Variants in RCC1 observed in about 807,000 individuals in gnomAD.
RCC1 encodes the protein regulator of chromosome condensation 1, also known as regulator of chromosome condensation.
RCC1 carries 11 observed loss-of-function variants against 44.4 expected under a neutral mutation model. That is an observed-to-expected ratio of 0.25 (90% CI 0.16 to 0.41). RCC1 has a LOEUF of 0.41. RCC1 is among the 10% of genes least tolerant of loss of function. The probability of loss-of-function intolerance (pLI) is 1.00; values close to 1 mark genes in which losing one functional copy is unlikely to be tolerated. For missense variants in RCC1, 386 were observed against 547.1 expected (o/e 0.71, Z 2.94); for synonymous variants, 213 against 216.5 (o/e 0.98, Z 0.14).
intron 9 of RCC1, 59 bp from the exon 10 acceptor site, chr1:28,535,812 G>C: frequency 1.9e-6 from 3 of 1,561,424 alleles, no homozygotes; most frequent in Non-Finnish European, 2.6e-6. Flanking sequence ...TAAACTCGGG[G>C]CAGAGAGAAG....
intron 2 of RCC1, chr1:28,508,412 A>C (rs753648946): frequency 8.1e-6 from 3 of 372,284 alleles, no homozygotes; most frequent in Non-Finnish European, 1.6e-5. Context: ...AAAGTAGTAA[A>C]AGCTGCCCTA....
rs1243320545 is a variant in RCC1 at position 28,525,378 on chromosome 1, C to T, written c.-9-4480C>T. ...GACAATATGAGGGGTGGTCTCCTCC[C>T]TTAGTAGTAAAGCACTATAAATATT... is the stretch of plus-strand genomic sequence containing the variant. On this transcript the variant is annotated intron_variant, in intron 4 of 12. Coordinates refer to ENST00000683442, the MANE Select transcript of RCC1 (RefSeq NM_001381865.2). Among the ~76,000 whole-genome samples, 11 of 152,160 alleles carry T rather than the reference C, an allele frequency of 7.2e-5. No individual in the cohort carries two copies. In the East Asian group the frequency reaches 2.1e-3, roughly 29 times the overall value.
Position 28,527,353 on chromosome 1 carries a change from C to T in RCC1, c.-9-2505C>T, listed in dbSNP as rs542109852. On this transcript the variant is annotated intron_variant, in intron 4 of 12. Coordinates refer to ENST00000683442, the MANE Select transcript of RCC1 (RefSeq NM_001381865.2). ...CTCCCAGGCTCACGCCATCCTCCCA[C>T]CTCAGCCTCCTGAGTAGCCAGGACT... 4.0e-5 allele frequency: 19 copies of T among 475,098 alleles called. No homozygotes were observed. In the East Asian group the frequency reaches 8.2e-4, roughly 21 times the overall value. The allele number at this position is 475,098 out of a possible 1,614,324, so 29.4% of individuals were successfully genotyped here.
At chr1:28,506,220 A>G (rs936316857) in intron 1 of RCC1, 136 bp downstream of exon 1, 2 of 425,438 alleles carry the variant, frequency 4.7e-6, no homozygotes, top group African/African-American at 2.2e-5. Flanking sequence ...TTTTTTTGAG[A>G]CGGAGTCGGT....
chr1:28,533,840 C>CTTTTGT (rs1664351916), intron 7 of RCC1, among the ~76,000 whole-genome samples: 1 of 32,674 alleles, frequency 3.1e-5, no homozygotes, highest in Non-Finnish European at 6.6e-5. Flanking sequence ...CTTTTCTTTT[C>CTTTTGT]TTTTCTTTTT....
Position 28,536,221 on chromosome 1 carries a change from C to G in RCC1, c.818-41C>G. The G allele has an allele frequency of 6.2e-7, 1 of 1,606,192 alleles. No individual in the cohort carries two copies. The highest frequency in any genetic ancestry group is 8.5e-7 in the Non-Finnish European group (1 of 1,176,270). Reference sequence around the variant, plus strand: ...GGAGGAGATTGAGAAGGGCAGCTCTCAGAACACCTTCACCCCTGATGGCTC... The same window carrying G: ...GGAGGAGATTGAGAAGGGCAGCTCTGAGAACACCTTCACCCCTGATGGCTC... On this transcript the variant is annotated intron_variant, in intron 10 of 12. Coordinates refer to ENST00000683442, the MANE Select transcript of RCC1 (RefSeq NM_001381865.2). The surrounding 1 kb of genome is among the most constrained non-coding windows in gnomAD (Gnocchi z 4.9).
intron 7 of RCC1, among the ~76,000 whole-genome samples, chr1:28,533,560 C>T (rs1237924706): frequency 6.6e-6 from 1 of 150,598 alleles, no homozygotes; most frequent in Non-Finnish European, 1.5e-5. Context: ...CCTGAGGGGT[C>T]GGGAGTTCGA....
At chr1:28,513,596 T>C (rs1275860848) in intron 3 of RCC1, among the ~76,000 whole-genome samples, 1 of 151,938 alleles carries the variant, frequency 6.6e-6, no homozygotes, top group African/African-American at 2.4e-5. Context: ...TTTTTTTTTT[T>C]AAGACAGGGT....
Position 28,532,359 on chromosome 1 carries a change from G to C in RCC1, c.441+9G>C. 1 of 1,613,460 alleles carries C rather than the reference G, an allele frequency of 6.2e-7. No individual in the cohort carries two copies. The highest frequency in any genetic ancestry group is 8.5e-7 in the Non-Finnish European group (1 of 1,179,674). On this transcript the variant is annotated intron_variant, in intron 7 of 12. Coordinates refer to ENST00000683442, the MANE Select transcript of RCC1 (RefSeq NM_001381865.2). ...TCTGGGGCTCCTTCCGGGTAAGGCT[G>C]GGTCTGAAAGTCTGCATGGTCCCTG...
chr1:28,535,642 A>G, intron 9 of RCC1: 1 of 757,706 alleles, frequency 1.3e-6, no homozygotes, highest in East Asian at 2.7e-5. Context: ...TAATGAGAAG[A>G]ATATCAGGCA....
intron 4 of RCC1, among the ~76,000 whole-genome samples, chr1:28,524,972 TAAAG>T (rs1663549881): frequency 6.6e-6 from 1 of 152,166 alleles, no homozygotes; most frequent in South Asian, 2.1e-4. Context: ...GACACCCAGT[TAAAG>T]AAGGAAGGGC....
chr1:28,536,422 T>A lies in RCC1; in HGVS notation c.937+41T>A, dbSNP rs750798369. 1 of 1,601,288 alleles carries A rather than the reference T, an allele frequency of 6.2e-7. No homozygotes were observed. The highest frequency in any genetic ancestry group is 1.1e-5 in the South Asian group (1 of 89,408). Reference sequence around the variant, plus strand: ...CCTTCTCTAGTTTGGGGGTGGAGTGTTCCCTGGCCTAGGCCTAGCCAGATT... The same window carrying A: ...CCTTCTCTAGTTTGGGGGTGGAGTGATCCCTGGCCTAGGCCTAGCCAGATT... On this transcript the variant is annotated intron_variant, in intron 11 of 12. Transcript: ENST00000683442. The surrounding 1 kb of genome is among the most constrained non-coding windows in gnomAD (Gnocchi z 4.9).
At chr1:28,511,977 T>C (rs1160025296) in intron 3 of RCC1, among the ~76,000 whole-genome samples, 2 of 24,878 alleles carry the variant, frequency 8.0e-5, no homozygotes, top group African/African-American at 7.6e-4. Context: ...AGCCTGATCC[T>C]TTTTTTTTTT....
At chr1:28,532,668 T>G (rs1488006614) in intron 7 of RCC1, 1 of 499,524 alleles carries the variant, frequency 2.0e-6, no homozygotes, top group Non-Finnish European at 3.9e-6. Context: ...CCCCTCACCT[T>G]GCCAGCACTG....
At chr1:28,513,311 C>T (rs1018808705) in intron 3 of RCC1, among the ~76,000 whole-genome samples, 2 of 152,140 alleles carry the variant, frequency 1.3e-5, no homozygotes, top group African/African-American at 2.4e-5. Context: ...TTTCATGCCT[C>T]AGCCTCTGGA....
intron 7 of RCC1, among the ~76,000 whole-genome samples, chr1:28,533,867 T>C (rs1415115420): frequency 4.8e-5 from 1 of 20,702 alleles, no homozygotes; most frequent in African/African-American, 3.8e-4. Flanking sequence ...TTTTTTTTTT[T>C]TTTTTTTTTT....
Position 28,508,866 on chromosome 1 carries a change from A to G in RCC1, c.-192A>G. 1 of 517,372 alleles carries G rather than the reference A, an allele frequency of 1.9e-6. No homozygotes were observed. Among genetic ancestry groups the G allele is most frequent in the South Asian group, 1.4e-5 (1 of 71,178 alleles). The allele number at this position is 517,372 out of a possible 1,614,324, so 32.0% of individuals were successfully genotyped here. ...ATCTGCACTTCGCATTTTGGCATTGACATTTAATTTTAGGGTCCTTTATAT... is the reference window on the plus strand; with the variant it reads ...ATCTGCACTTCGCATTTTGGCATTGGCATTTAATTTTAGGGTCCTTTATAT... On this transcript the variant is annotated 5_prime_UTR_variant, in exon 3 of 13. Coordinates refer to ENST00000683442, the MANE Select transcript of RCC1 (RefSeq NM_001381865.2).
intron 3 of RCC1, among the ~76,000 whole-genome samples, chr1:28,513,543 A>G (rs769282196): frequency 6.6e-6 from 1 of 151,522 alleles, no homozygotes; most frequent in Non-Finnish European, 1.5e-5. Flanking sequence ...GTTTTTCAGT[A>G]TGACAGTCTA....
intron 1 of RCC1, chr1:28,507,088 A>G: frequency 1.0e-5 from 2 of 195,150 alleles, no homozygotes; most frequent in Admixed American, 1.1e-4. Flanking sequence ...ATTTGGGGGT[A>G]ATTAACAAGT....
Sources: allele counts gnomAD v4.1 joint callset (sites outside exome capture counted in the v4.1 genomes callset), GRCh38; gene constraint gnomAD v4.1.1; non-coding constraint Gnocchi (gnomAD v3.1); transcripts MANE v1.5; gene names NCBI Gene and HGNC (gene_info 2026-07-23, HGNC 2026-07-21).